COL12A1: variants seen among roughly 807,000 people sequenced by gnomAD.
COL12A1 encodes collagen type XII alpha 1 chain, also known as collagen alpha-1(XII) chain.
Under a neutral mutation model 349.7 loss-of-function variants are expected in COL12A1, and 114 were observed. That is an observed-to-expected ratio of 0.33 (90% CI 0.28 to 0.38). The LOEUF is 0.38. Among genes scored for constraint, COL12A1 ranks in the 10% least tolerant of loss-of-function variants. The pLI, the probability that COL12A1 is intolerant of heterozygous loss-of-function variation, is 1.00. For synonymous variants in COL12A1, 1,369 were observed against 1,329.0 expected (o/e 1.03, Z -0.66); for missense variants, 3,284 against 3,756.9 (o/e 0.87, Z 3.29).
intron 13 of COL12A1, 148 bp downstream of exon 13, chr6:75,174,890 C>G (rs1395138810): frequency 1.7e-5 from 16 of 942,816 alleles, no homozygotes; most frequent in Admixed American, 8.5e-5. Context: ...TAACAGAGAG[C>G]TTTATGGTTA....
In COL12A1 at chr6:75,090,534, T is replaced by C. The variant is rs1447507652; in HGVS notation, c.8753-236A>G. Among the ~76,000 whole-genome samples, 2 of 152,228 alleles carry C rather than the reference T, an allele frequency of 1.3e-5. No homozygotes were observed. The highest frequency in any genetic ancestry group is 2.9e-5 in the Non-Finnish European group (2 of 68,040). ...CTGACCTACAAGCCACAAACATTACTACAAATATAAAAGAGTTGTTAAAGT... is the reference window on the plus strand; with the variant it reads ...CTGACCTACAAGCCACAAACATTACCACAAATATAAAAGAGTTGTTAAAGT... On this transcript the variant is annotated intron_variant, in intron 62 of 65. Coordinates refer to ENST00000322507, the MANE Select transcript of COL12A1 (RefSeq NM_004370.6). This position sits in a 1 kb window ranked among gnomAD's most constrained non-coding sequence, Gnocchi z 4.1.
intron 13 of COL12A1, among the ~76,000 whole-genome samples, chr6:75,166,764 TAACTC>T (rs552299322): frequency 4.3e-4 from 65 of 152,306 alleles, no homozygotes; most frequent in African/African-American, 1.1e-3. Context: ...TTATTTTACT[TAACTC>T]AAAGAGTTAA....
chr6:75,097,176 C>T, intron 59 of COL12A1, 77 bp downstream of exon 59: 2 of 1,248,406 alleles, frequency 1.6e-6, no homozygotes, highest in South Asian at 2.5e-5. Flanking sequence ...GAATGTGCTT[C>T]AAAGGCAGGT....
chr6:75,149,996 C>T (rs1767401230), intron 21 of COL12A1, among the ~76,000 whole-genome samples: 1 of 151,990 alleles, frequency 6.6e-6, no homozygotes. Flanking sequence ...ATCTGTTGTT[C>T]AAAATTCAAA....
At position 75,155,970 on chromosome 6, in the gene COL12A1, A is replaced by G. The variant is rs774410357; in HGVS notation, c.3251-116T>C. ...AAAAAGGGTTTAAGTCCGGTAGCAC[A>G]AAATAGCATGTTCCATAGAAGTCCA... On this transcript the variant is annotated intron_variant, in intron 15 of 65. Coordinates refer to ENST00000322507, the MANE Select transcript of COL12A1 (RefSeq NM_004370.6). 4.6e-6 allele frequency: 5 copies of G among 1,088,712 alleles called. No individual in the cohort carries two copies. In the African/African-American group the frequency reaches 6.4e-5, roughly 14 times the overall value. 67.4% of individuals were successfully genotyped at this position (1,088,712 alleles called of 1,614,324 possible).
chr6:75,161,493 T>C (rs1348729269), intron 14 of COL12A1, among the ~76,000 whole-genome samples: 3 of 152,080 alleles, frequency 2.0e-5, no homozygotes, highest in Non-Finnish European at 4.4e-5. Context: ...AAAATGAACA[T>C]TTCATTCCTG....
chr6:75,198,341 G>T (rs1193219127), intron 2 of COL12A1, among the ~76,000 whole-genome samples: 9 of 151,796 alleles, frequency 5.9e-5, no homozygotes, highest in Non-Finnish European at 1.3e-4. Context: ...GCATAAATGG[G>T]TTTAATATAT....
At chr6:75,121,579 G>C in intron 43 of COL12A1, 138 bp from the exon 44 acceptor site, 4 of 1,019,308 alleles carry the variant, frequency 3.9e-6, no homozygotes, top group Non-Finnish European at 5.3e-6. Flanking sequence ...CTGGGAGCTT[G>C]TTAGAAATGC....
chr6:75,102,102 G>A (rs1450691931), intron 56 of COL12A1, 50 bp from the exon 57 acceptor site: 30 of 1,560,444 alleles, frequency 1.9e-5, no homozygotes, highest in Admixed American at 1.8e-4. Flanking sequence ...CAGAGATTAA[G>A]CAAAAAAGGA....
chr6:75,166,903 G>GA (rs765095624), intron 13 of COL12A1, among the ~76,000 whole-genome samples: 4 of 151,962 alleles, frequency 2.6e-5, no homozygotes, highest in Admixed American at 6.6e-5. Flanking sequence ...GATTTAGAGG[G>GA]AAAAAATAAA....
intron 42 of COL12A1, 94 bp from the exon 43 acceptor site, chr6:75,123,498 C>CA: frequency 1.0e-6 from 1 of 993,106 alleles, no homozygotes; most frequent in South Asian, 1.5e-5. Context: ...TCCTGGATAC[C>CA]AAATCAAGTC....
At chr6:75,096,420 C>T (rs1441418675) in intron 59 of COL12A1, among the ~76,000 whole-genome samples, 4 of 152,128 alleles carry the variant, frequency 2.6e-5, no homozygotes, top group Non-Finnish European at 4.4e-5. Context: ...AATTTTACTG[C>T]GATCTCACCT....
intron 46 of COL12A1, among the ~76,000 whole-genome samples, chr6:75,118,815 C>A (rs1038465048): frequency 4.6e-5 from 7 of 152,124 alleles, no homozygotes; most frequent in African/African-American, 1.7e-4. Flanking sequence ...ATGTGGTTTG[C>A]CCCTTGTCAA....
intron 34 of COL12A1, 66 bp from the exon 35 acceptor site, chr6:75,132,148 T>G: frequency 6.4e-7 from 1 of 1,559,554 alleles, no homozygotes; most frequent in Non-Finnish European, 8.8e-7. Flanking sequence ...TTTGTATCAC[T>G]TTTCCAGAAC....
chr6:75,197,734 C>T (rs968246168), intron 2 of COL12A1, among the ~76,000 whole-genome samples: 4 of 152,156 alleles, frequency 2.6e-5, no homozygotes, highest in South Asian at 2.1e-4. Flanking sequence ...AACAATCTTA[C>T]ATATATTCAA....
chr6:75,096,353 A>T (rs1234311161), intron 59 of COL12A1, among the ~76,000 whole-genome samples: 3 of 152,200 alleles, frequency 2.0e-5, no homozygotes, highest in African/African-American at 7.2e-5. Flanking sequence ...AATTATTTTA[A>T]CATATGCTCT....
At chr6:75,144,661 G>A (rs955320672) in intron 25 of COL12A1, among the ~76,000 whole-genome samples, 1 of 152,138 alleles carries the variant, frequency 6.6e-6, no homozygotes, top group African/African-American at 2.4e-5. Flanking sequence ...AGTAAAACAA[G>A]TCAGAAGTAC....
intron 52 of COL12A1, 144 bp from the exon 53 acceptor site, chr6:75,106,640 G>GGTCTTTCCTCATGA: frequency 1.5e-6 from 1 of 683,824 alleles, no homozygotes; most frequent in Non-Finnish European, 2.6e-6. Context: ...CTTACTTCAT[G>GGTCTTTCCTCATGA]AGGAAAGACC....
At chr6:75,176,103 C>G (rs919638594) in intron 12 of COL12A1, among the ~76,000 whole-genome samples, 1 of 152,166 alleles carries the variant, frequency 6.6e-6, no homozygotes, top group African/African-American at 2.4e-5. Flanking sequence ...AGTAGTCACA[C>G]TTCACCAATG....
Sources: allele counts gnomAD v4.1 joint callset (sites outside exome capture counted in the v4.1 genomes callset), GRCh38; gene constraint gnomAD v4.1.1; non-coding constraint Gnocchi (gnomAD v3.1); transcripts MANE v1.5; gene names NCBI Gene and HGNC (gene_info 2026-07-23, HGNC 2026-07-21).